Variants in PRKN observed in about 807,000 individuals in gnomAD.
The protein encoded by PRKN is E3 ubiquitin-protein ligase parkin.
PRKN carries 56 observed loss-of-function variants against 59.5 expected under a neutral mutation model. That is an observed-to-expected ratio of 0.94 (90% CI 0.76 to 1.18). The LOEUF is 1.18. Ranked by LOEUF, PRKN falls within the 50% of genes most tolerant of loss-of-function variation. The pLI, the probability that PRKN is intolerant of heterozygous loss-of-function variation, is 0.00. For synonymous variants in PRKN, 250 were observed against 222.1 expected (o/e 1.13, Z -1.12); for missense variants, 657 against 596.4 (o/e 1.10, Z -1.06).
intron 9 of PRKN, among the ~76,000 whole-genome samples, chr6:161,431,692 A>G (rs1788654739): frequency 6.6e-6 from 1 of 151,406 alleles, no homozygotes; most frequent in South Asian, 2.1e-4. Context: ...GGCTCACTGC[A>G]ACCTCCGCCT....
In PRKN at chr6:161,545,383, G is replaced by C. The variant is rs1432852289; in HGVS notation, c.1083+3471C>G. On this transcript the variant is annotated intron_variant, in intron 9 of 11. Transcript: ENST00000366898. The surrounding 1 kb of genome is among the most constrained non-coding windows in gnomAD (Gnocchi z 4.1). ...ATGACTTTTCCTTGAACGATGTATT[G>C]AATGAGGCACTCACTTCTCCCTGAG... 2 of 1,612,086 alleles carry C rather than the reference G, an allele frequency of 1.2e-6. No homozygotes were observed. Among genetic ancestry groups the C allele is most frequent in the South Asian group, 2.2e-5 (2 of 90,928 alleles).
chr6:162,639,120 CT>C (rs1771675281), intron 1 of PRKN, among the ~76,000 whole-genome samples: 1 of 152,126 alleles, frequency 6.6e-6, no homozygotes, highest in South Asian at 2.1e-4. Context: ...AAACAAAGCT[CT>C]GTTTTGAATT....
At chr6:162,176,469 T>C (rs1383663192) in intron 4 of PRKN, among the ~76,000 whole-genome samples, 2 of 152,140 alleles carry the variant, frequency 1.3e-5, no homozygotes, top group East Asian at 1.9e-4. Context: ...TATATTGATA[T>C]GTTGGGAGAA....
chr6:162,625,988 T>G (rs2128221723), intron 1 of PRKN, among the ~76,000 whole-genome samples: 1 of 152,284 alleles, frequency 6.6e-6, no homozygotes, highest in East Asian at 1.9e-4. Flanking sequence ...TTACGCTAAC[T>G]CGACATATCT....
intron 4 of PRKN, among the ~76,000 whole-genome samples, chr6:162,087,155 G>C (rs1490762728): frequency 2.6e-5 from 4 of 152,116 alleles, no homozygotes; most frequent in Non-Finnish European, 4.4e-5. Context: ...GGCAGAGCCA[G>C]TGTTTGTTTT....
At chr6:162,525,957 G>C (rs1778262790) in intron 1 of PRKN, among the ~76,000 whole-genome samples, 1 of 152,108 alleles carries the variant, frequency 6.6e-6, no homozygotes, top group African/African-American at 2.4e-5. Flanking sequence ...AGGCTCAGGT[G>C]ATTCTCCCAC....
At position 162,514,409 on chromosome 6, in the gene PRKN, G is replaced by A. The variant is rs185615973; in HGVS notation, c.8-70936C>T. ...TTAGAAAAAGTGAGTCGCCCTGTATGATAAATGACAGGCTCAATGCATCCG... is the reference window on the plus strand; with the variant it reads ...TTAGAAAAAGTGAGTCGCCCTGTATAATAAATGACAGGCTCAATGCATCCG... On this transcript the variant is annotated intron_variant, in intron 1 of 11. Transcript: ENST00000366898. Among the ~76,000 whole-genome samples, 4 of 152,274 alleles carry A rather than the reference G, an allele frequency of 2.6e-5. No homozygotes were observed. In the South Asian group the frequency reaches 6.2e-4, roughly 24 times the overall value.
chr6:161,674,125 G>A (rs1785005650), intron 7 of PRKN, among the ~76,000 whole-genome samples: 1 of 152,026 alleles, frequency 6.6e-6, no homozygotes, highest in Admixed American at 6.6e-5. Context: ...GGGGGAGAAG[G>A]GGTCTAAGAC....
chr6:162,101,396 C>T (rs1412261955), intron 4 of PRKN, among the ~76,000 whole-genome samples: 7 of 151,574 alleles, frequency 4.6e-5, no homozygotes, highest in South Asian at 4.2e-4. Context: ...GGGCCAGGCG[C>T]GGTGGCTCAC....
chr6:162,040,564 G>T (rs1365181006), intron 5 of PRKN, among the ~76,000 whole-genome samples: 2 of 141,806 alleles, frequency 1.4e-5, no homozygotes, highest in African/African-American at 5.1e-5. Context: ...CCACCACCAT[G>T]CCCGGCTATT....
chr6:161,895,202 C>G (rs1777565864), intron 6 of PRKN, among the ~76,000 whole-genome samples: 1 of 152,180 alleles, frequency 6.6e-6, no homozygotes, highest in African/African-American at 2.4e-5. Flanking sequence ...AATTCCAACC[C>G]TAGCTACTAA....
chr6:162,069,037 T>C (rs1190146863), intron 4 of PRKN, among the ~76,000 whole-genome samples: 1 of 152,190 alleles, frequency 6.6e-6, no homozygotes, highest in Non-Finnish European at 1.5e-5. Flanking sequence ...CTTGGAGTCC[T>C]CCTTTTAAAA....
intron 6 of PRKN, among the ~76,000 whole-genome samples, chr6:161,898,359 C>T (rs905170315): frequency 5.3e-5 from 8 of 152,150 alleles, no homozygotes; most frequent in Non-Finnish European, 7.3e-5. Flanking sequence ...TCACGAAGGT[C>T]CCACGAGCAA....
chr6:162,317,909 T>C (rs1782818984), intron 2 of PRKN, among the ~76,000 whole-genome samples: 1 of 150,386 alleles, frequency 6.6e-6, no homozygotes. Flanking sequence ...TTTTTTAACA[T>C]GGTAAAATAT....
chr6:161,747,991 T>G (rs1788504015), intron 7 of PRKN, among the ~76,000 whole-genome samples: 1 of 152,204 alleles, frequency 6.6e-6, no homozygotes, highest in South Asian at 2.1e-4. Context: ...TTTATTGCTC[T>G]TGTCTTTCGG....
intron 3 of PRKN, among the ~76,000 whole-genome samples, chr6:162,231,611 T>C (rs1311731109): frequency 6.6e-6 from 1 of 152,174 alleles, no homozygotes; most frequent in African/African-American, 2.4e-5. Flanking sequence ...TATCACAATT[T>C]GATCATTTGG....
rs1214987447 is a variant in PRKN at position 161,463,395 on chromosome 6, C to T, written c.1084-76518G>A. On this transcript the variant is annotated intron_variant, in intron 9 of 11. Coordinates refer to ENST00000366898, the MANE Select transcript of PRKN (RefSeq NM_004562.3). This position sits in a 1 kb window ranked among gnomAD's most constrained non-coding sequence, Gnocchi z 4.8. ...TTGAATCATGTTTTCCAGAGGTCAA[C>T]TGAGTCTAAGAAGACATTAAAAATC... Among the ~76,000 whole-genome samples the T allele has an allele frequency of 6.6e-6, 1 of 152,194 alleles. No homozygotes were observed.
Position 162,390,589 on chromosome 6 carries a change from C to A in PRKN, c.171+52721G>T, listed in dbSNP as rs60148070. Among the ~76,000 whole-genome samples the A allele has an allele frequency of 4.2e-3, 630 of 151,718 alleles. 7 individuals carry two copies. The highest frequency in any genetic ancestry group is 0.014 in the African/African-American group (599 of 41,360). The stretch of plus-strand genomic sequence containing the variant: ...CCTGAGTAGCTAGGACTATAGATGC[C>A]CCCACCACGCCTGGCTAATATTTGT... On this transcript the variant is annotated intron_variant, in intron 2 of 11. Transcript: ENST00000366898.
chr6:161,727,209 G>T (rs1261981118), intron 7 of PRKN, among the ~76,000 whole-genome samples: 1 of 152,190 alleles, frequency 6.6e-6, no homozygotes, highest in Non-Finnish European at 1.5e-5. Context: ...GACAAAGGCA[G>T]TGGGGAGGAA....
Sources: gnomAD v4.1 joint callset for allele counts (sites outside exome capture counted in the v4.1 genomes callset) on GRCh38, gnomAD v4.1.1 for gene constraint, Gnocchi (gnomAD v3.1) non-coding constraint, MANE v1.5 for transcripts, NCBI Gene and HGNC (gene_info 2026-07-23, HGNC 2026-07-21) for gene names.